IRAK1BP1: variants seen among roughly 807,000 people sequenced by gnomAD.
IRAK1BP1 encodes interleukin 1 receptor associated kinase 1 binding protein 1, also known as interleukin-1 receptor-associated kinase 1-binding protein 1.
Under a neutral mutation model 28.0 loss-of-function variants are expected in IRAK1BP1, and 24 were observed. The ratio of observed to expected loss-of-function variants is 0.86; its 90% confidence interval spans 0.62 to 1.20. The LOEUF (loss-of-function observed/expected upper bound fraction) is 1.20. Ranked by LOEUF, IRAK1BP1 falls within the 50% of genes most tolerant of loss-of-function variation. The probability of loss-of-function intolerance (pLI) is 0.00; values close to 1 mark genes in which losing one functional copy is unlikely to be tolerated. For synonymous variants in IRAK1BP1, 131 were observed against 116.3 expected, an observed-to-expected ratio of 1.13 and a Z score of -0.81; for missense variants, 336 against 316.7, an observed-to-expected ratio of 1.06 and a Z score of -0.46.
At chr6:78,891,155 T>C (rs191141844) in intron 2 of IRAK1BP1, among the ~76,000 whole-genome samples, 2 of 152,322 alleles carry the variant, frequency 1.3e-5, no homozygotes, top group East Asian at 1.9e-4. Flanking sequence ...TTGAAGGACA[T>C]GTACAACTAA....
At chr6:78,952,257 A>G in the IRAK1BP1 span, among the ~76,000 whole-genome samples, 1 of 152,040 alleles carries the variant, frequency 6.6e-6, no homozygotes, top group Non-Finnish European at 1.5e-5. Flanking sequence ...CACCTCTACT[A>G]AAAATATACA....
chr6:78,948,897 T>C (rs1399984269), downstream of IRAK1BP1, among the ~76,000 whole-genome samples: 1 of 152,242 alleles, frequency 6.6e-6, no homozygotes, highest in Non-Finnish European at 1.5e-5. Context: ...CGTCTGACCA[T>C]GAAGAAGGTG....
chr6:78,877,685 G>A (rs927179533), intron 1 of IRAK1BP1, among the ~76,000 whole-genome samples: 1 of 152,208 alleles, frequency 6.6e-6, no homozygotes, highest in African/African-American at 2.4e-5. Flanking sequence ...GCCGAAGCAG[G>A]GCGAGGCATC....
chr6:78,935,358 C>T (rs770669272), intron 4 of IRAK1BP1: 1 of 200,874 alleles, frequency 5.0e-6, no homozygotes, highest in Non-Finnish European at 8.9e-6. Context: ...TAATGGTCTT[C>T]ATGCTAAAAT....
chr6:78,922,692 A>C (rs1772771881), intron 4 of IRAK1BP1, among the ~76,000 whole-genome samples: 1 of 152,236 alleles, frequency 6.6e-6, no homozygotes, highest in South Asian at 2.1e-4. Context: ...GGTTACCTTC[A>C]AAGGGAAGCC....
chr6:78,899,052 G>A lies in IRAK1BP1; in HGVS notation c.*718G>A, dbSNP rs1381648790. 1 of 152,124 alleles carries A rather than the reference G, an allele frequency of 6.6e-6. No homozygotes were observed. Among genetic ancestry groups the A allele is most frequent in the Non-Finnish European group, 1.5e-5 (1 of 68,044 alleles). 9.4% of individuals were successfully genotyped at this position (152,124 alleles called of 1,614,324 possible). ...TTCCCCTTGTCCCAGGTCCCATGGG[G>A]GCAAAATGATATGGCCATATGCAAT... On this transcript the variant is annotated 3_prime_UTR_variant, in exon 4 of 4. Transcript: ENST00000369940.
chr6:78,882,944 T>C (rs1021988), intron 1 of IRAK1BP1, among the ~76,000 whole-genome samples: 135,917 of 152,190 alleles, frequency 0.89, 60,725 homozygotes, highest in Admixed American at 0.9. Flanking sequence ...TAAAATTATT[T>C]CAAAATTAAA....
the IRAK1BP1 span, among the ~76,000 whole-genome samples, chr6:78,975,778 C>A: frequency 1.3e-5 from 2 of 151,592 alleles, no homozygotes; most frequent in African/African-American, 4.9e-5. Context: ...TTCACAATTG[C>A]TTCAAAGAGA....
intron 1 of IRAK1BP1, among the ~76,000 whole-genome samples, chr6:78,880,261 A>G (rs1484897763): frequency 6.6e-6 from 1 of 152,240 alleles, no homozygotes; most frequent in Non-Finnish European, 1.5e-5. Context: ...TATTTGCATT[A>G]TATACTTAAT....
chr6:78,957,781 A>C, the IRAK1BP1 span: 1 of 152,128 alleles, frequency 6.6e-6, no homozygotes. Flanking sequence ...AGGAGGCTCA[A>C]TTCATTATAT....
Position 78,903,088 on chromosome 6 carries a change from A to C in IRAK1BP1, c.*4754A>C. ...TCATGAATCCCACATCAAATGAACA[A>C]ATACTGCCTCTGGACTCTGAATGTA... On this transcript the variant is annotated 3_prime_UTR_variant, in exon 4 of 4. Coordinates refer to ENST00000369940, the MANE Select transcript of IRAK1BP1 (RefSeq NM_001010844.4). The C allele has an allele frequency of 6.7e-7, 1 of 1,501,890 alleles. No homozygotes were observed. Among genetic ancestry groups the C allele is most frequent in the East Asian group, 2.5e-5 (1 of 40,688 alleles). The allele number at this position is 1,501,890 out of a possible 1,614,324, so 93.0% of individuals were successfully genotyped here. A position where few individuals can be genotyped will look rare whatever the true frequency, so the allele number is the denominator to read the frequency against.
At chr6:78,924,784 A>T (rs940895153) in intron 4 of IRAK1BP1, among the ~76,000 whole-genome samples, 11 of 152,228 alleles carry the variant, frequency 7.2e-5, no homozygotes, top group African/African-American at 2.4e-4. Flanking sequence ...CAACAAATGT[A>T]ATCCAGCATA....
the IRAK1BP1 span, among the ~76,000 whole-genome samples, chr6:78,968,797 A>G: frequency 1.6e-4 from 24 of 152,134 alleles, no homozygotes; most frequent in Non-Finnish European, 1.2e-4. Context: ...ATCTTCCCAC[A>G]ATCTCTAACA....
In IRAK1BP1 at chr6:78,871,506, C is replaced by A. The variant is rs151060163; in HGVS notation, c.315+3615C>A. ...GGAGGTATTCCACAGGAACAGCAGA[C>A]GAGAACTTACCTTACATCATGACAC... On this transcript the variant is annotated intron_variant, in intron 1 of 3. Transcript: ENST00000369940. 2.3e-4 allele frequency: 229 copies of A among 985,408 alleles called. 1 individual carries two copies. In the South Asian group the frequency reaches 6.4e-3, roughly 28 times the overall value. The allele number at this position is 985,408 out of a possible 1,614,324, so 61.0% of individuals were successfully genotyped here.
chr6:78,884,212 A>G, intron 1 of IRAK1BP1, among the ~76,000 whole-genome samples: 1 of 152,208 alleles, frequency 6.6e-6, no homozygotes, highest in East Asian at 1.9e-4. Flanking sequence ...TTTCTGGATA[A>G]CATAAACTGC....
chr6:78,970,286 T>C, the IRAK1BP1 span: 9 of 823,486 alleles, frequency 1.1e-5, 1 homozygote, highest in South Asian at 5.2e-5. Flanking sequence ...TGGATGGTGA[T>C]GACTGTGTAC....
chr6:78,883,706 G>A (rs986390908), intron 1 of IRAK1BP1, among the ~76,000 whole-genome samples: 4 of 152,126 alleles, frequency 2.6e-5, no homozygotes, highest in African/African-American at 9.7e-5. Flanking sequence ...CCTAATTCTT[G>A]CAGTCAGTCT....
Position 78,867,606 on chromosome 6 carries a change from A to C in IRAK1BP1, c.30A>C (p.Arg10=). 3.1e-6 allele frequency: 5 copies of C among 1,614,124 alleles called. No homozygotes were observed. Among genetic ancestry groups the C allele is most frequent in the Non-Finnish European group, 2.5e-6 (3 of 1,180,020 alleles). MSLQKTPPT[R]VFVELVPWAD... ...CTCTGCAAAAGACCCCTCCGACCCG[A>C]GTGTTCGTGGAACTGGTTCCCTGGG... Residue 10 remains arginine, a synonymous_variant, in exon 1 of 4, where the codon CGA becomes CGC. Transcript: ENST00000369940.
At chr6:78,889,347 T>C (rs541364496) in intron 2 of IRAK1BP1, among the ~76,000 whole-genome samples, 1 of 152,014 alleles carries the variant, frequency 6.6e-6, no homozygotes, top group South Asian at 2.1e-4. Flanking sequence ...GGCAATACCA[T>C]TCAGGACATA....
Sources: gnomAD v4.1 joint callset for allele counts (sites outside exome capture counted in the v4.1 genomes callset) on GRCh38, gnomAD v4.1.1 for gene constraint, MANE v1.5 for transcripts, NCBI Gene and HGNC (gene_info 2026-07-23, HGNC 2026-07-21) for gene names.